Variants in ADGRL2 observed in about 807,000 individuals in gnomAD.
ADGRL2 encodes calcium-independent alpha-latrotoxin receptor 2.
ADGRL2 carries 44 observed loss-of-function variants against 157.4 expected under a neutral mutation model. The observed-to-expected ratio is 0.28, with a 90% CI of 0.22 to 0.36. The LOEUF (loss-of-function observed/expected upper bound fraction) is 0.36, where lower values mean the gene tolerates loss of function less well. ADGRL2 is among the 10% of genes least tolerant of loss of function. ADGRL2 has a pLI of 1.00. For synonymous variants in ADGRL2, 585 were observed against 624.7 expected (o/e 0.94, Z 0.95); for missense variants, 1,510 against 1,768.9 (o/e 0.85, Z 2.63).
intron 3 of ADGRL2, among the ~76,000 whole-genome samples, chr1:81,632,553 T>C (rs112667253): frequency 0.13 from 19,056 of 151,846 alleles, 1,643 homozygotes; most frequent in Non-Finnish European, 0.18. Flanking sequence ...GGTCAGGAGA[T>C]CGAGACCATC....
At chr1:81,924,257 T>C (rs1368358491) in intron 3 of ADGRL2, among the ~76,000 whole-genome samples, 1 of 152,142 alleles carries the variant, frequency 6.6e-6, no homozygotes, top group Non-Finnish European at 1.5e-5. Context: ...AAGCATAGTA[T>C]CCTAAGCTCT....
At chr1:81,770,997 G>A (rs529687664) in intron 2 of ADGRL2, among the ~76,000 whole-genome samples, 2 of 151,886 alleles carry the variant, frequency 1.3e-5, no homozygotes, top group South Asian at 4.2e-4. Flanking sequence ...TTTTCTCTTG[G>A]ATTTCCTGTA....
At chr1:81,870,080 G>A (rs1207769078) in intron 2 of ADGRL2, among the ~76,000 whole-genome samples, 4 of 151,986 alleles carry the variant, frequency 2.6e-5, no homozygotes, top group Non-Finnish European at 5.9e-5. Flanking sequence ...GGTTAAGTTT[G>A]TACATATTAG....
chr1:81,355,812 C>G (rs1030854725), intron 1 of ADGRL2, among the ~76,000 whole-genome samples: 4 of 152,256 alleles, frequency 2.6e-5, no homozygotes, highest in Admixed American at 2.0e-4. Flanking sequence ...GTGACCTACT[C>G]GCTCCCAGCC....
chr1:81,789,215 T>C (rs2087208303), intron 2 of ADGRL2, among the ~76,000 whole-genome samples: 1 of 152,122 alleles, frequency 6.6e-6, no homozygotes, highest in South Asian at 2.1e-4. Context: ...CATATAAAGT[T>C]TAGAGAGATT....
At chr1:81,379,842 C>A (rs1227926085) in intron 1 of ADGRL2, among the ~76,000 whole-genome samples, 2 of 152,138 alleles carry the variant, frequency 1.3e-5, no homozygotes, top group Non-Finnish European at 2.9e-5. Context: ...CATGGTGGAC[C>A]AGAGTGCTCT....
chr1:81,624,878 G>C (rs1172106247), intron 3 of ADGRL2, among the ~76,000 whole-genome samples: 1 of 152,144 alleles, frequency 6.6e-6, no homozygotes, highest in Non-Finnish European at 1.5e-5. Context: ...GACAAGCATT[G>C]AGTTGCTGTG....
intron 1 of ADGRL2, among the ~76,000 whole-genome samples, chr1:81,752,199 G>T (rs952867558): frequency 6.6e-6 from 1 of 152,156 alleles, no homozygotes; most frequent in African/African-American, 2.4e-5. Context: ...AAGTGAGAAG[G>T]AAGCTATCTC....
chr1:81,572,156 C>T (rs957647665), intron 2 of ADGRL2, among the ~76,000 whole-genome samples: 10 of 152,142 alleles, frequency 6.6e-5, no homozygotes, highest in African/African-American at 2.4e-4. Context: ...ATTTATTGGC[C>T]TCTGACAAAG....
chr1:81,532,977 A>ATCTATCTATCTATCATCTC (rs1557435039), intron 2 of ADGRL2, among the ~76,000 whole-genome samples: 13 of 138,420 alleles, frequency 9.4e-5, no homozygotes, highest in African/African-American at 3.2e-4. Context: ...TCTATCATCT[A>ATCTATCTATCTATCATCTC]TCTATCTATC....
intron 1 of ADGRL2, among the ~76,000 whole-genome samples, chr1:81,739,719 C>A (rs926139288): frequency 1.3e-5 from 2 of 152,230 alleles, no homozygotes; most frequent in African/African-American, 2.4e-5. Flanking sequence ...GTCTACCCAG[C>A]ATGCTAAGCA....
intron 2 of ADGRL2, among the ~76,000 whole-genome samples, chr1:81,840,915 T>A (rs1164399238): frequency 6.6e-6 from 1 of 152,128 alleles, no homozygotes; most frequent in East Asian, 1.9e-4. Flanking sequence ...TTTGGCCAGT[T>A]TTTATAAGCA....
At chr1:81,971,215 A>G (rs553351240) in intron 16 of ADGRL2, among the ~76,000 whole-genome samples, 2 of 152,294 alleles carry the variant, frequency 1.3e-5, no homozygotes, top group Admixed American at 1.3e-4. Flanking sequence ...AGATGATGAA[A>G]GACAAAAGAA....
intron 1 of ADGRL2, among the ~76,000 whole-genome samples, chr1:81,431,272 A>G (rs1169028911): frequency 6.6e-6 from 1 of 152,086 alleles, no homozygotes; most frequent in Admixed American, 6.6e-5. Flanking sequence ...AAAACCAGAT[A>G]TTTTCAAGGG....
intron 2 of ADGRL2, among the ~76,000 whole-genome samples, chr1:81,478,269 G>C (rs547457882): frequency 6.6e-6 from 1 of 152,144 alleles, no homozygotes; most frequent in Admixed American, 6.5e-5. Context: ...ATCCATGCTC[G>C]GTTCCTGTGG....
chr1:81,852,336 G>A (rs980918651), intron 2 of ADGRL2, among the ~76,000 whole-genome samples: 10 of 152,030 alleles, frequency 6.6e-5, no homozygotes, highest in African/African-American at 2.4e-4. Context: ...TAGAACAGAT[G>A]AAAAACCTTC....
At chr1:81,340,765 G>A (rs565896444) in intron 1 of ADGRL2, among the ~76,000 whole-genome samples, 1 of 152,158 alleles carries the variant, frequency 6.6e-6, no homozygotes, top group South Asian at 2.1e-4. Flanking sequence ...GACAGGAGAG[G>A]AAATGTATGC....
At chr1:81,730,020 C>T (rs1002679601) in intron 1 of ADGRL2, among the ~76,000 whole-genome samples, 7 of 152,272 alleles carry the variant, frequency 4.6e-5, no homozygotes, top group African/African-American at 1.7e-4. Context: ...ATCACTAAGA[C>T]AGACAAAGAT....
At position 81,633,595 on chromosome 1, in the gene ADGRL2, C is replaced by CAAAAA. The variant is rs369967142; in HGVS notation, c.-143+52636_-143+52640dup. ...TGGGTAACAGAGCAAGACTCTGTCT[C>CAAAAA]AAAAAAAAAAAAAAAAAAAAAAAAA... On this transcript the variant is annotated intron_variant, in intron 3 of 24. Coordinates refer to the ADGRL2 transcript ENST00000370721. Among the ~76,000 whole-genome samples, 78 of 50,174 alleles carry CAAAAA rather than the reference C, an allele frequency of 1.6e-3. 3 individuals carry two copies. Among genetic ancestry groups the CAAAAA allele is most frequent in the Non-Finnish European group, 2.4e-3 (68 of 27,866 alleles). The allele number at this position is 50,174 out of a possible 152,430, so 32.9% of individuals were successfully genotyped here. A position where few individuals can be genotyped will look rare whatever the true frequency, so the allele number is the denominator to read the frequency against.
Sources: gnomAD v4.1 joint callset for allele counts (sites outside exome capture counted in the v4.1 genomes callset) on GRCh38, gnomAD v4.1.1 for gene constraint, MANE v1.5 for transcripts, NCBI Gene and HGNC (gene_info 2026-07-23, HGNC 2026-07-21) for gene names.